Variants in RASA1 observed in about 807,000 individuals in gnomAD.
RASA1 encodes ras GTPase-activating protein 1.
Under a neutral mutation model 132.2 loss-of-function variants are expected in RASA1, and 25 were observed. The ratio of observed to expected loss-of-function variants is 0.19; its 90% confidence interval spans 0.14 to 0.26. The LOEUF is 0.26. Among genes scored for constraint, RASA1 ranks in the 10% least tolerant of loss-of-function variants. The pLI is 1.00. For synonymous variants in RASA1, 477 were observed against 449.9 expected, an observed-to-expected ratio of 1.06 and a Z score of -0.76; for missense variants, 964 against 1,299.2, an observed-to-expected ratio of 0.74 and a Z score of 3.97.
intron 1 of RASA1, among the ~76,000 whole-genome samples, chr5:87,316,251 C>G (rs1286361182): frequency 6.6e-6 from 1 of 152,156 alleles, no homozygotes; most frequent in African/African-American, 2.4e-5. Flanking sequence ...GCTATGGTAC[C>G]TGGAAGATAA....
rs1231327781 is a variant in RASA1 at position 87,391,663 on chromosome 5, T to G, written c.*780T>G. 4.7e-5 allele frequency: 11 copies of G among 233,070 alleles called. No homozygotes were observed. The highest frequency in any genetic ancestry group is 8.5e-5 in the Non-Finnish European group (10 of 117,882). The allele number at this position is 233,070 out of a possible 1,614,324, so 14.4% of individuals were successfully genotyped here. ...AATGCATGTTACCCATTCAACCATTTTATAGACTACCAATTTCTTTTATGT... is the reference window on the plus strand; with the variant it reads ...AATGCATGTTACCCATTCAACCATTGTATAGACTACCAATTTCTTTTATGT... On this transcript the variant is annotated 3_prime_UTR_variant, in exon 25 of 25. Transcript: ENST00000274376.
At chr5:87,286,095 C>T (rs547301606) in intron 1 of RASA1, among the ~76,000 whole-genome samples, 8 of 151,654 alleles carry the variant, frequency 5.3e-5, no homozygotes, top group Middle Eastern at 3.4e-3. Flanking sequence ...CTCCACCTCC[C>T]GCTTCAAGCA....
At chr5:87,317,612 A>ATAAGACTGT (rs1343440091) in intron 1 of RASA1, among the ~76,000 whole-genome samples, 6 of 151,166 alleles carry the variant, frequency 4.0e-5, no homozygotes, top group African/African-American at 1.5e-4. Flanking sequence ...TTTTTCCCTA[A>ATAAGACTGT]TAAGACTGTT....
At chr5:87,302,960 T>C (rs989916634) in intron 1 of RASA1, among the ~76,000 whole-genome samples, 3 of 152,162 alleles carry the variant, frequency 2.0e-5, no homozygotes, top group African/African-American at 7.2e-5. Context: ...CTTTTTCTTT[T>C]AGACGTACAT....
At chr5:87,353,110 T>A (rs377448385) in intron 8 of RASA1, 47 bp from the exon 9 acceptor site, 1 of 1,437,050 alleles carries the variant, frequency 7.0e-7, no homozygotes, top group Non-Finnish European at 9.8e-7. Flanking sequence ...TTAAAGATTT[T>A]GCAGTTTTAT....
At chr5:87,269,594 T>G (rs1753732157) in intron 1 of RASA1, among the ~76,000 whole-genome samples, 1 of 152,208 alleles carries the variant, frequency 6.6e-6, no homozygotes, top group Non-Finnish European at 1.5e-5. Flanking sequence ...GAGCCTATAT[T>G]CCAACAATGT....
intron 11 of RASA1, among the ~76,000 whole-genome samples, chr5:87,366,700 A>G (rs1330112131): frequency 6.6e-6 from 1 of 152,226 alleles, no homozygotes; most frequent in Non-Finnish European, 1.5e-5. Flanking sequence ...AGTTATGTTC[A>G]TGAGAACTAA....
At chr5:87,312,969 G>A (rs919388688) in intron 1 of RASA1, among the ~76,000 whole-genome samples, 11 of 152,206 alleles carry the variant, frequency 7.2e-5, no homozygotes, top group African/African-American at 2.7e-4. Context: ...GAAGGAAAAT[G>A]ATACTTTCCC....
intron 11 of RASA1, among the ~76,000 whole-genome samples, chr5:87,367,063 T>G (rs1330606352): frequency 6.6e-6 from 1 of 151,824 alleles, no homozygotes; most frequent in Non-Finnish European, 1.5e-5. Context: ...ACAACAAAAA[T>G]TTTTTTTTCA....
At chr5:87,313,335 A>G (rs536427127) in intron 1 of RASA1, among the ~76,000 whole-genome samples, 5 of 152,192 alleles carry the variant, frequency 3.3e-5, no homozygotes, top group Non-Finnish European at 7.3e-5. Flanking sequence ...ATAGATAACT[A>G]CCACAGGGTA....
intron 1 of RASA1, among the ~76,000 whole-genome samples, chr5:87,285,897 G>C (rs902133836): frequency 6.6e-6 from 1 of 152,038 alleles, no homozygotes; most frequent in Non-Finnish European, 1.5e-5. Context: ...GGGATTACAG[G>C]TCTGAGCCAC....
In RASA1 at chr5:87,338,520, TATATATATATATAAA is replaced by T. The variant is rs1280552479; in HGVS notation, c.1017+432_1017+446del. ...CTAATTTTATATATATATATATATATATATATATATATAAAATTTTTTTTTTTTTTAAGTAGAAAT... is the reference window on the plus strand; with the variant it reads ...CTAATTTTATATATATATATATATATATTTTTTTTTTTTTTAAGTAGAAAT... On this transcript the variant is annotated intron_variant, in intron 5 of 24. Transcript: ENST00000274376. 5.0e-5 allele frequency among the ~76,000 whole-genome samples: 5 copies of T among 100,880 alleles called. 1 individual carries two copies. The East Asian group carries it at 1.2e-3, about 25-fold the overall frequency. 66.2% of individuals were successfully genotyped at this position (100,880 alleles called of 152,430 possible).
intron 1 of RASA1, among the ~76,000 whole-genome samples, chr5:87,320,614 C>T (rs779973178): frequency 3.3e-5 from 5 of 152,232 alleles, no homozygotes; most frequent in Middle Eastern, 3.4e-3. Flanking sequence ...TTTACTATCA[C>T]GAGAACAGCA....
chr5:87,384,380 T>C (rs1291848261), intron 21 of RASA1, among the ~76,000 whole-genome samples: 1 of 152,166 alleles, frequency 6.6e-6, no homozygotes, highest in Non-Finnish European at 1.5e-5. Context: ...GGGATATTTG[T>C]GACTTTGAAT....
At chr5:87,327,166 A>G (rs1203712684) in intron 1 of RASA1, among the ~76,000 whole-genome samples, 4 of 152,202 alleles carry the variant, frequency 2.6e-5, no homozygotes, top group Non-Finnish European at 5.9e-5. Context: ...TAATAATAAT[A>G]TTAAGCCAAC....
intron 1 of RASA1, 100 bp downstream of exon 1, chr5:87,269,090 G>A: frequency 6.2e-7 from 1 of 1,613,834 alleles, no homozygotes; most frequent in Non-Finnish European, 8.5e-7. Flanking sequence ...TCTGTGGTTT[G>A]TTAGGAAAAG....
At chr5:87,287,358 CCATATAT>C in intron 1 of RASA1, among the ~76,000 whole-genome samples, 1 of 145,096 alleles carries the variant, frequency 6.9e-6, no homozygotes, top group African/African-American at 2.5e-5. Flanking sequence ...CATATATACA[CCATATAT>C]ATACCATATA....
At chr5:87,307,032 T>G (rs1403584435) in intron 1 of RASA1, among the ~76,000 whole-genome samples, 1 of 152,044 alleles carries the variant, frequency 6.6e-6, no homozygotes, top group Non-Finnish European at 1.5e-5. Context: ...GCGTATTTGT[T>G]TTAGAAAACC....
chr5:87,335,715 C>T (rs945243797), intron 4 of RASA1, among the ~76,000 whole-genome samples: 5 of 152,066 alleles, frequency 3.3e-5, no homozygotes, highest in East Asian at 1.9e-4. Flanking sequence ...CATGAGCCAT[C>T]GTGGCTGGCC....
Sources: gnomAD v4.1 joint callset for allele counts (sites outside exome capture counted in the v4.1 genomes callset) on GRCh38, gnomAD v4.1.1 for gene constraint, MANE v1.5 for transcripts, NCBI Gene and HGNC (gene_info 2026-07-23, HGNC 2026-07-21) for gene names.